ZFP91: variants seen among roughly 807,000 people sequenced by gnomAD.
ZFP91 encodes the protein E3 ubiquitin-protein ligase ZFP91.
ZFP91 carries 7 observed loss-of-function variants against 63.5 expected under a neutral mutation model. The ratio of observed to expected loss-of-function variants is 0.11; its 90% CI spans 0.06 to 0.21. ZFP91 has a LOEUF of 0.21. Ranked by LOEUF, ZFP91 falls within the 10% of genes least tolerant of loss-of-function variation. The pLI, the probability that ZFP91 is intolerant of heterozygous loss-of-function variation, is 1.00. For missense variants in ZFP91, 628 were observed against 736.6 expected (o/e 0.85, Z 1.71); for synonymous variants, 330 against 272.1 (o/e 1.21, Z -2.10).
intron 4 of ZFP91, 117 bp downstream of exon 4, chr11:58,610,451 TCA>T: frequency 1.1e-6 from 1 of 951,840 alleles, no homozygotes; most frequent in South Asian, 1.9e-5. Flanking sequence ...GAAATTAACT[TCA>T]GTTTTGATAC....
rs937929239 is a variant in ZFP91, at chr11:58,618,746, A to G, written c.*1040A>G. The G allele has an allele frequency of 4.1e-4, 186 of 454,870 alleles. 2 individuals carry two copies. The highest frequency in any genetic ancestry group is 2.5e-3 in the South Asian group (157 of 63,888). 28.2% of individuals were successfully genotyped at this position (454,870 alleles called of 1,614,324 possible). A position where few individuals can be genotyped will look rare whatever the true frequency, so the allele number is the denominator to read the frequency against. ...TAGCTCTCCAGTGGCTTTTAAAGAA[A>G]GCTGGTCCTCAGCACTAACAAAATC... On this transcript the variant is annotated 3_prime_UTR_variant, in exon 11 of 11. Coordinates refer to ENST00000316059, the MANE Select transcript of ZFP91 (RefSeq NM_053023.5).
intron 2 of ZFP91, among the ~76,000 whole-genome samples, chr11:58,597,692 A>C (rs1855425341): frequency 6.6e-6 from 1 of 152,126 alleles, no homozygotes; most frequent in Non-Finnish European, 1.5e-5. Flanking sequence ...TTTTGCAAAA[A>C]CTGCAAGATT....
chr11:58,589,220 T>C (rs1855263626), intron 2 of ZFP91, among the ~76,000 whole-genome samples: 1 of 152,092 alleles, frequency 6.6e-6, no homozygotes, highest in Non-Finnish European at 1.5e-5. Context: ...TACAGAAGTG[T>C]GCCGCCATTT....
chr11:58,607,882 G>T lies in ZFP91; in HGVS notation c.371-1948G>T, dbSNP rs564747449. On this transcript the variant is annotated intron_variant, in intron 2 of 10. Coordinates refer to ENST00000316059, the MANE Select transcript of ZFP91 (RefSeq NM_053023.5). ...TTAAGCACTTTATCTTTGACAGAGG[G>T]TTAGGTTGTTTCTGTTCTTTGCTAT... 6.6e-5 allele frequency among the ~76,000 whole-genome samples: 10 copies of T among 152,082 alleles called. No homozygotes were observed. In the South Asian group the frequency reaches 2.1e-3, roughly 32 times the overall value.
chr11:58,612,518 A>C, intron 7 of ZFP91, 190 bp downstream of exon 7: 1 of 636,192 alleles, frequency 1.6e-6, no homozygotes, highest in Non-Finnish European at 2.7e-6. Context: ...ATTTCTAACA[A>C]TCTTAATACT....
Position 58,619,996 on chromosome 11 carries a change from A to G in ZFP91, c.*2290A>G, listed in dbSNP as rs1279736256. On this transcript the variant is annotated 3_prime_UTR_variant, in exon 11 of 11. Transcript: ENST00000316059. ...CATCAGATATTTTAGCCACCTACAC[A>G]AAAGCAAACTGCATTTTTAAAAATC... The G allele has an allele frequency of 6.6e-6, 1 of 152,202 alleles. No individual in the cohort carries two copies. The highest frequency in any genetic ancestry group is 6.5e-5 in the Admixed American group (1 of 15,270). The allele number at this position is 152,202 out of a possible 1,614,324, so 9.4% of individuals were successfully genotyped here.
In ZFP91 at chr11:58,579,079, C is replaced by T. The variant is rs1270595944; in HGVS notation, c.-203C>T. 1.8e-5 allele frequency: 7 copies of T among 385,738 alleles called. No homozygotes were observed. Among genetic ancestry groups the T allele is most frequent in the Non-Finnish European group, 3.1e-5 (7 of 225,666 alleles). 23.9% of individuals were successfully genotyped at this position (385,738 alleles called of 1,614,324 possible). Reference sequence around the variant, plus strand: ...TGAGCGTCTGTGGCGCGCGCGCGCGCGCCGCCAGCGGTAGCGGACCTTGAG... The same window carrying T: ...TGAGCGTCTGTGGCGCGCGCGCGCGTGCCGCCAGCGGTAGCGGACCTTGAG... On this transcript the variant is annotated 5_prime_UTR_variant, in exon 1 of 11. Transcript: ENST00000316059.
rs984257428 is a variant in ZFP91, at chr11:58,582,704, T to G, written c.342-2152T>G. On this transcript the variant is annotated intron_variant, in intron 1 of 10. Transcript: ENST00000316059. ...TGAGCAAGTCACTTAACCTCTTCAT[T>G]TATAATTGCTTCATTTATAATTGAT... Among the ~76,000 whole-genome samples the G allele has an allele frequency of 3.9e-5, 6 of 152,178 alleles. 1 individual carries two copies. Among genetic ancestry groups the G allele is most frequent in the African/African-American group, 1.4e-4 (6 of 41,446 alleles).
chr11:58,579,745 G>C (rs968573111), intron 1 of ZFP91, 123 bp downstream of exon 1: 6 of 928,574 alleles, frequency 6.5e-6, no homozygotes, highest in Non-Finnish European at 9.0e-6. Flanking sequence ...GGCTCCGCAC[G>C]CCAGATGTCA....
At chr11:58,614,797 G>C (rs1443607877) in intron 9 of ZFP91, among the ~76,000 whole-genome samples, 1 of 152,122 alleles carries the variant, frequency 6.6e-6, no homozygotes, top group East Asian at 1.9e-4. Context: ...TCTAGCTGTT[G>C]AATTTGCATG....
At chr11:58,582,495 A>T (rs1039390718) in intron 1 of ZFP91, among the ~76,000 whole-genome samples, 1 of 152,202 alleles carries the variant, frequency 6.6e-6, no homozygotes, top group Non-Finnish European at 1.5e-5. Context: ...TTTAACCTAC[A>T]TTTGATTTTC....
At chr11:58,616,022 C>A (rs1855743718) in intron 9 of ZFP91, among the ~76,000 whole-genome samples, 1 of 152,188 alleles carries the variant, frequency 6.6e-6, no homozygotes, top group African/African-American at 2.4e-5. Flanking sequence ...CTCATAGATT[C>A]CACACCGTGT....
chr11:58,610,214 A>G, intron 3 of ZFP91, 84 bp from the exon 4 acceptor site: 1 of 1,490,070 alleles, frequency 6.7e-7, no homozygotes, highest in East Asian at 2.3e-5. Flanking sequence ...CCATGCAGTA[A>G]TTTGATTTGC....
rs7483906 is a variant in ZFP91, at chr11:58,580,927, A to G, written c.341+1305A>G. Among the ~76,000 whole-genome samples the G allele has an allele frequency of 2.7e-3, 407 of 152,288 alleles. 1 individual carries two copies. Among genetic ancestry groups the G allele is most frequent in the Admixed American group, 4.1e-3 (62 of 15,294 alleles). ...CATCTTACAAAAATTTTATAGTTCTATATTGTTTAATCTCATGAATTTGAA... is the reference window on the plus strand; with the variant it reads ...CATCTTACAAAAATTTTATAGTTCTGTATTGTTTAATCTCATGAATTTGAA... On this transcript the variant is annotated intron_variant, in intron 1 of 10. Transcript: ENST00000316059.
chr11:58,607,305 T>A (rs997260897), intron 2 of ZFP91, among the ~76,000 whole-genome samples: 3 of 152,228 alleles, frequency 2.0e-5, no homozygotes, highest in African/African-American at 7.2e-5. Context: ...TCCTTCATTA[T>A]TAATCTCAAA....
chr11:58,617,819 C>G lies in ZFP91; in HGVS notation c.*113C>G. 9 of 1,387,236 alleles carry G rather than the reference C, an allele frequency of 6.5e-6. No individual in the cohort carries two copies. The highest frequency in any genetic ancestry group is 8.4e-6 in the Non-Finnish European group (9 of 1,065,884). 85.9% of individuals were successfully genotyped at this position (1,387,236 alleles called of 1,614,324 possible). On this transcript the variant is annotated 3_prime_UTR_variant, in exon 11 of 11. Coordinates refer to ENST00000316059, the MANE Select transcript of ZFP91 (RefSeq NM_053023.5). This position sits in a 1 kb window ranked among gnomAD's most constrained non-coding sequence, Gnocchi z 4.2. ...TCTAGTGAAATAACTGAAGGGCCTG[C>G]TCTTTCCATTGTGGATCACAGCACA...
intron 2 of ZFP91, among the ~76,000 whole-genome samples, chr11:58,594,881 C>T (rs368940913): frequency 6.6e-6 from 1 of 152,138 alleles, no homozygotes; most frequent in Non-Finnish European, 1.5e-5. Flanking sequence ...TAAGGAAATA[C>T]AGCATGTGGC....
chr11:58,589,618 C>G (rs568836402), intron 2 of ZFP91, among the ~76,000 whole-genome samples: 1 of 152,316 alleles, frequency 6.6e-6, no homozygotes, highest in South Asian at 2.1e-4. Context: ...GTTCAAGCCT[C>G]AAAGGCTAAA....
In ZFP91 at chr11:58,612,852, T is replaced by C. The variant is rs750312674; in HGVS notation, c.987+12T>C. 8.1e-6 allele frequency: 13 copies of C among 1,606,218 alleles called. No homozygotes were observed. The South Asian group carries it at 1.5e-4, about 18-fold the overall frequency. On this transcript the variant is annotated intron_variant, in intron 8 of 10. Coordinates refer to ENST00000316059, the MANE Select transcript of ZFP91 (RefSeq NM_053023.5). Reference sequence around the variant, plus strand: ...CTCGCTATTTGCAGGTCAGTGAAGTTGTTATATAAGAGCCTTTCAGGTTGT... The same window carrying C: ...CTCGCTATTTGCAGGTCAGTGAAGTCGTTATATAAGAGCCTTTCAGGTTGT...
Sources: gnomAD v4.1 joint callset for allele counts (sites outside exome capture counted in the v4.1 genomes callset) on GRCh38, gnomAD v4.1.1 for gene constraint, Gnocchi (gnomAD v3.1) non-coding constraint, MANE v1.5 for transcripts, NCBI Gene and HGNC (gene_info 2026-07-23, HGNC 2026-07-21) for gene names.